The following EPRS1 variants were observed in gnomAD, a reference collection of about 807,000 sequenced individuals.
EPRS1 encodes glutamyl-prolyl-tRNA synthetase 1, also known as bifunctional glutamate/proline--tRNA ligase.
A neutral mutation model predicts 188.3 loss-of-function variants in EPRS1; 107 were observed. The ratio of observed to expected loss-of-function variants is 0.57; its 90% CI spans 0.49 to 0.67. EPRS1 has a LOEUF of 0.67. Ranked by LOEUF, EPRS1 falls within the 30% of genes least tolerant of loss-of-function variation. The pLI is 0.00. For missense variants in EPRS1, 1,577 were observed against 1,802.2 expected (o/e 0.88, Z 2.26); for synonymous variants, 596 against 593.1 (o/e 1.00, Z -0.07).
chr1:220,023,594 T>C (rs1338023223), intron 8 of EPRS1, among the ~76,000 whole-genome samples: 1 of 152,234 alleles, frequency 6.6e-6, no homozygotes, highest in African/African-American at 2.4e-5. Flanking sequence ...TTTACCCACA[T>C]GCCAAAAGGA....
chr1:220,020,822 A>ATT (rs1303640562), intron 9 of EPRS1, among the ~76,000 whole-genome samples: 8 of 76,478 alleles, frequency 1.0e-4, no homozygotes, highest in African/African-American at 2.8e-4. Context: ...ATCAATTTGA[A>ATT]TTTATATATA....
chr1:220,024,479 C>T, intron 7 of EPRS1, 23 bp from the exon 8 acceptor site: 1 of 1,554,518 alleles, frequency 6.4e-7, no homozygotes, highest in African/African-American at 1.4e-5. Flanking sequence ...ACCAAAATAA[C>T]CATCAGTATA....
At chr1:220,046,071 G>A (rs569919401) in intron 1 of EPRS1, among the ~76,000 whole-genome samples, 2 of 152,310 alleles carry the variant, frequency 1.3e-5, no homozygotes, top group East Asian at 3.9e-4. Context: ...CTGAGAAAAA[G>A]ATCCGAAGCG....
chr1:220,040,265 A>G lies in EPRS1; in HGVS notation c.51T>C (p.Ala17=). The G allele has an allele frequency of 6.3e-7, 1 of 1,593,274 alleles. No individual in the cohort carries two copies. The highest frequency in any genetic ancestry group is 8.6e-7 in the Non-Finnish European group (1 of 1,163,380). ...TVNSGDPPLG[A]LLAVEHVKDD... is the part of the protein sequence containing the mutation. The stretch of plus-strand genomic sequence containing the variant: ...CTTTCACGTGTTCTACTGCCAGCAA[A>G]GCTCCTATAAATAATATGAAAAGAT... Residue 17 remains alanine (A), a synonymous_variant, in exon 2 of 32, where the codon GCT becomes GCC. Coordinates refer to ENST00000366923, the MANE Select transcript of EPRS1 (RefSeq NM_004446.3).
chr1:220,019,934 C>T (rs1390342898), intron 10 of EPRS1, 54 bp downstream of exon 10: 1 of 1,262,092 alleles, frequency 7.9e-7, no homozygotes, highest in Non-Finnish European at 1.1e-6. Context: ...GTTTAAAAAT[C>T]ACTGATCTAC....
chr1:220,001,525 T>C (rs1487536627), intron 16 of EPRS1, among the ~76,000 whole-genome samples: 1 of 152,072 alleles, frequency 6.6e-6, no homozygotes, highest in Admixed American at 6.6e-5. Context: ...GCCACCACAC[T>C]AATTTTTGTA....
At chr1:220,000,230 GGAA>G (rs1661324546) in intron 17 of EPRS1, among the ~76,000 whole-genome samples, 1 of 152,160 alleles carries the variant, frequency 6.6e-6, no homozygotes, top group Non-Finnish European at 1.5e-5. Flanking sequence ...GGCACAGATG[GGAA>G]CTGGAACCAA....
intron 12 of EPRS1, among the ~76,000 whole-genome samples, chr1:220,016,983 G>A (rs1419921696): frequency 6.6e-6 from 1 of 152,118 alleles, no homozygotes; most frequent in Non-Finnish European, 1.5e-5. Context: ...GGGAGGCAGA[G>A]GTGGGCGGAT....
At chr1:219,978,806 ATAT>A (rs1324784254) in intron 27 of EPRS1, 87 bp from the exon 28 acceptor site, 46 of 933,090 alleles carry the variant, frequency 4.9e-5, no homozygotes, top group Non-Finnish European at 7.0e-5. Context: ...ACCAGTGGCT[ATAT>A]TATTAACACG....
At position 220,022,464 on chromosome 1, in the gene EPRS1, C is replaced by G; in HGVS notation, c.998G>C (p.Gly333Ala). ...WEEMKKGSQF[G>A]QSCCLRAKID... Reference sequence around the variant, plus strand: ...TTTTGCTCGCAAACAACAGGACTGACCAAACTGGCTCCCTTTTTTCATTTC... The same window carrying G: ...TTTTGCTCGCAAACAACAGGACTGAGCAAACTGGCTCCCTTTTTTCATTTC... Residue 333 changes from glycine (G) to alanine (A), a missense_variant, in exon 9 of 32, where the codon GGT becomes GCT. Coordinates refer to ENST00000366923, the MANE Select transcript of EPRS1 (RefSeq NM_004446.3). 6.2e-7 allele frequency: 1 copy of G among 1,614,018 alleles called. No homozygotes were observed. Among genetic ancestry groups the G allele is most frequent in the Non-Finnish European group, 8.5e-7 (1 of 1,179,956 alleles).
At chr1:219,974,540 T>C (rs1558269271) in intron 28 of EPRS1, among the ~76,000 whole-genome samples, 2 of 152,198 alleles carry the variant, frequency 1.3e-5, no homozygotes, top group Non-Finnish European at 2.9e-5. Context: ...AACTTGGGAT[T>C]TTCCTGAGTT....
rs1463706592 is a variant in EPRS1 at position 219,995,457 on chromosome 1, T to C, written c.2541+1526A>G. ...AATTACACCTAAAAAGGAGTACATA[T>C]TTAGTGTCCAACAGATACAGTGCAA... On this transcript the variant is annotated intron_variant, in intron 18 of 31. Coordinates refer to ENST00000366923, the MANE Select transcript of EPRS1 (RefSeq NM_004446.3). Among the ~76,000 whole-genome samples the C allele has an allele frequency of 4.6e-5, 7 of 152,280 alleles. No individual in the cohort carries two copies. In the East Asian group the frequency reaches 1.2e-3, roughly 25 times the overall value.
At position 220,005,292 on chromosome 1, in the gene EPRS1, C is replaced by G; in HGVS notation, c.2019G>C (p.Gln673His). The change falls in exon 16 of 32, where the codon CAG (glutamine) becomes CAC (histidine). Residue 673 changes from glutamine to histidine, a missense_variant. Transcript: ENST00000366923. ...DLKKGDIIQL[Q>H]RRGFFICDQP... is the part of the protein sequence containing the mutation. ...GATCACATATGAAGAATCCTCTTCT[C>G]TGGAGTTGTATAATATCTCCTTTTT... is the stretch of plus-strand genomic sequence containing the variant. 6.3e-7 allele frequency: 1 copy of G among 1,597,222 alleles called. No homozygotes were observed. Among genetic ancestry groups the G allele is most frequent in the Non-Finnish European group, 8.5e-7 (1 of 1,170,650 alleles).
intron 12 of EPRS1, among the ~76,000 whole-genome samples, chr1:220,013,777 T>C (rs1386155786): frequency 6.6e-6 from 1 of 152,184 alleles, no homozygotes; most frequent in Admixed American, 6.5e-5. Flanking sequence ...TGGGTTTCAG[T>C]GTATGAAGAC....
chr1:220,007,460 A>T lies in EPRS1; in HGVS notation c.1606-122T>A, dbSNP rs1661513431. ...AAGTCTTCTGTGTTACTAAACTGTT[A>T]GCAGTTCATTGCTGTATTAGGAAGA... is the stretch of plus-strand genomic sequence containing the variant. On this transcript the variant is annotated intron_variant, in intron 13 of 31. Transcript: ENST00000366923. 5.8e-6 allele frequency: 5 copies of T among 856,240 alleles called. No homozygotes were observed. The South Asian group carries it at 9.5e-5, about 16-fold the overall frequency. The allele number at this position is 856,240 out of a possible 1,614,324, so 53.0% of individuals were successfully genotyped here. A position where few individuals can be genotyped will look rare whatever the true frequency, so the allele number is the denominator to read the frequency against.
chr1:220,002,590 T>C (rs969052868), intron 16 of EPRS1, among the ~76,000 whole-genome samples: 2 of 152,200 alleles, frequency 1.3e-5, no homozygotes, highest in Admixed American at 1.3e-4. Context: ...GTGGGTATGG[T>C]GGCTCACATC....
rs150627754 is a variant in EPRS1, at chr1:220,022,419, T to C, written c.1043A>G (p.Asn348Ser). The change falls in exon 9 of 32, where the codon AAT becomes AGT. Residue 348 changes from asparagine (N) to serine (S), a missense_variant. Asn to Ser is a conservative substitution (Grantham distance 46). Coordinates refer to ENST00000366923, the MANE Select transcript of EPRS1 (RefSeq NM_004446.3). Reference sequence around the variant, plus strand: ...AAGGGTTGGATCTCTCATGCATCCATTGTTACTACTCATGTCAATTTTTGC... The same window carrying C: ...AAGGGTTGGATCTCTCATGCATCCACTGTTACTACTCATGTCAATTTTTGC... ...LRAKIDMSSNNGCMRDPTLYR... is the reference protein window; with the variant it reads ...LRAKIDMSSNSGCMRDPTLYR... 1.8e-5 allele frequency: 29 copies of C among 1,614,046 alleles called. No individual in the cohort carries two copies. Among genetic ancestry groups the C allele is most frequent in the Middle Eastern group, 1.6e-4 (1 of 6,084 alleles).
chr1:219,982,341 A>C (rs2173403), intron 23 of EPRS1, among the ~76,000 whole-genome samples: 70,678 of 151,992 alleles, frequency 0.47, 16,523 homozygotes, highest in South Asian at 0.52. Flanking sequence ...ACACTGTTGT[A>C]AGAATAACAC....
intron 2 of EPRS1, among the ~76,000 whole-genome samples, chr1:220,038,869 A>G (rs1420432534): frequency 1.3e-5 from 2 of 152,122 alleles, no homozygotes; most frequent in Admixed American, 6.6e-5. Context: ...CACCTAGGTA[A>G]TATCTTGAAG....
Sources: allele counts gnomAD v4.1 joint callset (sites outside exome capture counted in the v4.1 genomes callset), GRCh38; gene constraint gnomAD v4.1.1; transcripts MANE v1.5; gene names NCBI Gene and HGNC (gene_info 2026-07-23, HGNC 2026-07-21).